Variants in COL6A2 observed in about 807,000 individuals in gnomAD.
The protein encoded by COL6A2 is collagen alpha-2(VI) chain.
COL6A2 carries 90 observed loss-of-function variants against 124.9 expected under a neutral mutation model. That is an observed-to-expected ratio of 0.72 (90% CI 0.61 to 0.86). The LOEUF (loss-of-function observed/expected upper bound fraction) is 0.86. Ranked by LOEUF, COL6A2 falls within the 40% of genes least tolerant of loss-of-function variation. The probability of loss-of-function intolerance (pLI) is 0.00; values close to 1 mark genes in which losing one functional copy is unlikely to be tolerated. For synonymous variants in COL6A2, 793 were observed against 618.2 expected (o/e 1.28, Z -4.19); for missense variants, 1,607 against 1,502.5 (o/e 1.07, Z -1.15).
At position 46,114,050 on chromosome 21, in the gene COL6A2, C is replaced by T. The variant is rs763395264; in HGVS notation, c.778C>T (p.Pro260Ser). 3.7e-6 allele frequency: 6 copies of T among 1,613,612 alleles called. No individual in the cohort carries two copies. The highest frequency in any genetic ancestry group is 1.3e-5 in the African/African-American group (1 of 74,920). ...SCLEIPGPSG[P>S]KGYRGQKGAK... is the part of the protein sequence containing the mutation. The stretch of plus-strand genomic sequence containing the variant: ...CCTGGAAATCCCTGGGCCCTCTGGC[C>T]CCAAGGGCTACCGTGGACAGAAGGT... Residue 260 changes from proline to serine, a missense_variant, in exon 5 of 28, where the codon CCC (proline) becomes TCC (serine). This residue lies in a region of COL6A2 where 342 missense variants were observed against 381.5 expected (regional missense o/e 0.90). Coordinates refer to ENST00000300527, the MANE Select transcript of COL6A2 (RefSeq NM_001849.4).
chr21:46,124,241 GTGGATGGA>G (rs563105375), intron 21 of COL6A2, among the ~76,000 whole-genome samples: 1 of 151,570 alleles, frequency 6.6e-6, no homozygotes, highest in Non-Finnish European at 1.5e-5. Context: ...GGGTGACTGG[GTGGATGGA>G]TGGATGGGTT....
At chr21:46,114,399 T>C (rs1438816091) in intron 5 of COL6A2, among the ~76,000 whole-genome samples, 2 of 145,314 alleles carry the variant, frequency 1.4e-5, no homozygotes, top group Non-Finnish European at 3.0e-5. Flanking sequence ...CACTCCAGCC[T>C]GGGCAACAGA....
At chr21:46,111,078 T>G (rs1000917621) in intron 1 of COL6A2, among the ~76,000 whole-genome samples, 7 of 152,126 alleles carry the variant, frequency 4.6e-5, no homozygotes, top group African/African-American at 1.7e-4. Context: ...CTGCACTGTT[T>G]CCAGGGCAGC....
intron 26 of COL6A2, 40 bp from the exon 27 acceptor site, chr21:46,126,463 A>ACTGACCCTGGC (rs745946079): frequency 3.2e-5 from 51 of 1,601,424 alleles, no homozygotes; most frequent in Middle Eastern, 3.3e-4. Context: ...TTCGCTAGGG[A>ACTGACCCTGGC]CTGACCCTGG....
At chr21:46,119,544 C>A (rs1293120071) in intron 14 of COL6A2, among the ~76,000 whole-genome samples, 1 of 152,244 alleles carries the variant, frequency 6.6e-6, no homozygotes, top group East Asian at 1.9e-4. Flanking sequence ...CCTGGAGCCT[C>A]CCCAGATCAT....
chr21:46,130,287 A>G (rs2078744168), intron 27 of COL6A2, among the ~76,000 whole-genome samples: 1 of 152,040 alleles, frequency 6.6e-6, no homozygotes, highest in South Asian at 2.1e-4. Flanking sequence ...ACCAGGCACA[A>G]CCTCTGCGGT....
intron 21 of COL6A2, among the ~76,000 whole-genome samples, chr21:46,123,503 C>T (rs1455342804): frequency 5.9e-5 from 9 of 151,978 alleles, no homozygotes; most frequent in South Asian, 2.1e-4. Context: ...GGATGGATAA[C>T]GATGGATGGA....
chr21:46,112,834 G>T lies in COL6A2; in HGVS notation c.735+10G>T. On this transcript the variant is annotated intron_variant, in intron 4 of 27. Transcript: ENST00000300527. ...CGAAGCCTACGGAGAGGTGAGTGGC[G>T]CTTCCCTTCCTGCCAGTGCTGGCCG... is the stretch of plus-strand genomic sequence containing the variant. The T allele has an allele frequency of 6.2e-7, 1 of 1,613,542 alleles. No individual in the cohort carries two copies. The highest frequency in any genetic ancestry group is 2.2e-5 in the East Asian group (1 of 44,876).
chr21:46,132,577 G>T lies in COL6A2; in HGVS notation c.*25G>T. 1 of 1,564,048 alleles carries T rather than the reference G, an allele frequency of 6.4e-7. No individual in the cohort carries two copies. Among genetic ancestry groups the T allele is most frequent in the South Asian group, 1.1e-5 (1 of 87,056 alleles). ...GCGCCGCCGCCCGGGCCCCGCAGTCGAGGGTCGTGAGCCCACCCCGTCCAT... is the reference window on the plus strand; with the variant it reads ...GCGCCGCCGCCCGGGCCCCGCAGTCTAGGGTCGTGAGCCCACCCCGTCCAT... On this transcript the variant is annotated 3_prime_UTR_variant, in exon 28 of 28. Transcript: ENST00000300527.
chr21:46,117,595 C>A, intron 11 of COL6A2, 142 bp downstream of exon 11: 3 of 908,026 alleles, frequency 3.3e-6, no homozygotes, highest in South Asian at 1.4e-5. Flanking sequence ...CCCAGCCCAG[C>A]ATTCTGCCGG....
At position 46,119,148 on chromosome 21, in the gene COL6A2, C is replaced by T. The variant is rs766619663; in HGVS notation, c.1269+29C>T. On this transcript the variant is annotated intron_variant, in intron 14 of 27. Transcript: ENST00000300527. ...AGTCCCTCCTGCCCCTGCCTCAGGGCCCCGCTCTGGGCATCCTCCTTGCAG... is the reference window on the plus strand; with the variant it reads ...AGTCCCTCCTGCCCCTGCCTCAGGGTCCCGCTCTGGGCATCCTCCTTGCAG... The T allele has an allele frequency of 1.1e-5, 17 of 1,557,496 alleles. No individual in the cohort carries two copies. The South Asian group carries it at 1.7e-4, about 15-fold the overall frequency.
At chr21:46,123,867 G>A (rs1328819995) in intron 21 of COL6A2, among the ~76,000 whole-genome samples, 1 of 135,616 alleles carries the variant, frequency 7.4e-6, no homozygotes, top group Non-Finnish European at 1.6e-5. Context: ...TAGTGGGTTG[G>A]CAGATGGATG....
intron 27 of COL6A2, chr21:46,128,933 T>G: frequency 6.2e-7 from 1 of 1,612,342 alleles, no homozygotes; most frequent in African/African-American, 1.3e-5. Flanking sequence ...TGCTGAAAGG[T>G]TTTCTCGGGG....
chr21:46,124,890 G>GC lies in COL6A2; in HGVS notation c.1743dup (p.Gly582ArgfsTer12). Reference sequence around the variant, plus strand: ...CCTCATCCTTCCTTCCCCAGGGTGAGCCCGGCCCCCCTGGAGACCCCGGTC... The same window carrying GC: ...CCTCATCCTTCCTTCCCCAGGGTGAGCCCCGGCCCCCCTGGAGACCCCGGTC... On this transcript the variant is annotated frameshift_variant, in exon 23 of 28. Transcript: ENST00000300527. LOFTEE classifies it high-confidence loss of function. 2 of 1,612,942 alleles carry GC rather than the reference G, an allele frequency of 1.2e-6. No individual in the cohort carries two copies. The highest frequency in any genetic ancestry group is 1.7e-6 in the Non-Finnish European group (2 of 1,180,006).
intron 1 of COL6A2, among the ~76,000 whole-genome samples, chr21:46,104,340 T>TA (rs2078316172): frequency 6.6e-6 from 1 of 152,088 alleles, no homozygotes; most frequent in Non-Finnish European, 1.5e-5. Context: ...CTAGAAATTT[T>TA]AAAAAGAAAC....
intron 17 of COL6A2, 30 bp from the exon 18 acceptor site, chr21:46,121,526 C>T (rs760055260): frequency 6.2e-7 from 1 of 1,610,296 alleles, no homozygotes; most frequent in Non-Finnish European, 8.5e-7. Context: ...CCTGCCTGTG[C>T]TGACTTCTGA....
chr21:46,120,882 C>T (rs185214553), intron 16 of COL6A2, among the ~76,000 whole-genome samples, 179 bp from the exon 17 acceptor site: 3 of 152,294 alleles, frequency 2.0e-5, no homozygotes, highest in East Asian at 3.9e-4. Context: ...CAGCCTACTC[C>T]ACTCAGTGTG....
At chr21:46,121,274 C>G in intron 17 of COL6A2, 151 bp downstream of exon 17, 1 of 812,914 alleles carries the variant, frequency 1.2e-6, no homozygotes. Context: ...TCCCCTAGAC[C>G]CCGAGTACCT....
rs545711454 is a variant in COL6A2 at position 46,121,004 on chromosome 21, G to C, written c.1396-57G>C. The C allele has an allele frequency of 2.6e-5, 39 of 1,515,344 alleles. 1 individual carries two copies. The highest frequency in any genetic ancestry group is 3.5e-5 in the Non-Finnish European group (38 of 1,091,486). 93.9% of individuals were successfully genotyped at this position (1,515,344 alleles called of 1,614,324 possible). A position where few individuals can be genotyped will look rare whatever the true frequency, so the allele number is the denominator to read the frequency against. On this transcript the variant is annotated intron_variant, in intron 16 of 27. Coordinates refer to ENST00000300527, the MANE Select transcript of COL6A2 (RefSeq NM_001849.4). ...CAGTGTCCACAGGATTGATACTGGG[G>C]ACTCCAGGGTGCTGCTGTCAGTCAA...
Sources: gnomAD v4.1 joint callset for allele counts (sites outside exome capture counted in the v4.1 genomes callset) on GRCh38, gnomAD v4.1.1 for gene constraint, gnomAD v4.1.1 regional missense constraint, MANE v1.5 for transcripts, NCBI Gene and HGNC (gene_info 2026-07-23, HGNC 2026-07-21) for gene names.